The following DLG2 variants were observed in gnomAD, a reference collection of about 807,000 sequenced individuals.
The protein encoded by DLG2 is disks large homolog 2.
Under a neutral mutation model 132.5 loss-of-function variants are expected in DLG2, and 45 were observed. That is an observed-to-expected ratio of 0.34 (90% CI 0.27 to 0.44). DLG2 has a LOEUF of 0.44. DLG2 is among the 20% of genes least tolerant of loss of function. The pLI, the probability that DLG2 is intolerant of heterozygous loss-of-function variation, is 1.00. For missense variants in DLG2, 1,045 were observed against 1,196.9 expected (o/e 0.87, Z 1.87); for synonymous variants, 424 against 419.6 (o/e 1.01, Z -0.13).
chr11:84,244,908 A>G (rs1335525290), intron 8 of DLG2, among the ~76,000 whole-genome samples: 4 of 152,210 alleles, frequency 2.6e-5, no homozygotes, highest in Non-Finnish European at 5.9e-5. Context: ...TGGTCCAATC[A>G]AAAGTGAATC....
intron 6 of DLG2, among the ~76,000 whole-genome samples, chr11:84,627,786 G>A (rs1395311778): frequency 1.3e-5 from 2 of 152,148 alleles, no homozygotes; most frequent in East Asian, 3.9e-4. Flanking sequence ...TGTGAAACAG[G>A]AGCAGGTACT....
intron 3 of DLG2, among the ~76,000 whole-genome samples, chr11:85,526,488 G>T (rs979366793): frequency 6.6e-5 from 10 of 152,066 alleles, no homozygotes; most frequent in African/African-American, 2.2e-4. Flanking sequence ...AATGCTGAAA[G>T]AATTCATTAA....
chr11:84,572,916 T>C (rs1216111610), intron 6 of DLG2, among the ~76,000 whole-genome samples: 4 of 152,136 alleles, frequency 2.6e-5, no homozygotes, highest in Non-Finnish European at 5.9e-5. Context: ...TACACCAACA[T>C]ACTAATGTTC....
intron 7 of DLG2, among the ~76,000 whole-genome samples, chr11:84,311,422 A>G (rs2098285817): frequency 6.6e-6 from 1 of 152,202 alleles, no homozygotes; most frequent in Non-Finnish European, 1.5e-5. Context: ...TATTATCCCA[A>G]GTTTTACAGA....
Position 83,462,066 on chromosome 11 carries a change from T to C in DLG2, c.2757A>G (p.Glu919=). 2 of 1,613,086 alleles carry C rather than the reference T, an allele frequency of 1.2e-6. No homozygotes were observed. Among genetic ancestry groups the C allele is most frequent in the Non-Finnish European group, 1.7e-6 (2 of 1,179,020 alleles). The part of the protein sequence containing the change: ...LMEMNKRLTE[E]QAKKTYDRAI... ...CTCGATCATAGGTTTTCTTGGCTTG[T>C]TCCTCTGTTAGACGCTTATTCATCT... Residue 919 remains glutamate (E), a synonymous_variant, in exon 27 of 28, where the codon GAA becomes GAG. Coordinates refer to ENST00000376104, the MANE Select transcript of DLG2 (RefSeq NM_001142699.3).
rs544817121 is a variant in DLG2, at chr11:84,418,516, T to C, written c.519+116054A>G. Among the ~76,000 whole-genome samples the C allele has an allele frequency of 7.9e-5, 12 of 152,318 alleles. No homozygotes were observed. In the South Asian group the frequency reaches 2.5e-3, roughly 32 times the overall value. On this transcript the variant is annotated intron_variant, in intron 7 of 27. Coordinates refer to ENST00000376104, the MANE Select transcript of DLG2 (RefSeq NM_001142699.3). ...ATGAAATAACTTACTCAAAATTAAA[T>C]AATAAACAAAGTCCTGAGTTTGAAA... is the stretch of plus-strand genomic sequence containing the variant.
intron 15 of DLG2, among the ~76,000 whole-genome samples, chr11:83,928,683 T>C (rs751737923): frequency 1.3e-5 from 2 of 152,152 alleles, no homozygotes; most frequent in Non-Finnish European, 2.9e-5. Flanking sequence ...CACTTACTAA[T>C]GGATGATCTT....
At chr11:84,731,301 G>A (rs1243881703) in intron 6 of DLG2, among the ~76,000 whole-genome samples, 1 of 151,974 alleles carries the variant, frequency 6.6e-6, no homozygotes, top group Admixed American at 6.6e-5. Flanking sequence ...CTAGACACTA[G>A]GCCAAGTTCG....
At chr11:83,838,819 ACTT>A (rs2056881408) in intron 16 of DLG2, among the ~76,000 whole-genome samples, 1 of 151,714 alleles carries the variant, frequency 6.6e-6, no homozygotes, top group South Asian at 2.1e-4. Context: ...CCACATTTGC[ACTT>A]CTTATAAAAT....
chr11:84,984,844 T>C (rs1354502334), intron 6 of DLG2, among the ~76,000 whole-genome samples: 1 of 152,032 alleles, frequency 6.6e-6, no homozygotes, highest in Non-Finnish European at 1.5e-5. Flanking sequence ...TAGTCCTACA[T>C]CAGACAAAAC....
At chr11:84,872,343 C>T (rs571943114) in intron 6 of DLG2, among the ~76,000 whole-genome samples, 10 of 152,182 alleles carry the variant, frequency 6.6e-5, no homozygotes, top group Non-Finnish European at 1.3e-4. Context: ...CAAAGGGATT[C>T]ATTCCCTTAT....
At chr11:83,874,519 A>T in intron 15 of DLG2, 31 bp from the exon 16 acceptor site, 1 of 1,514,644 alleles carries the variant, frequency 6.6e-7, no homozygotes. Context: ...AACACACATC[A>T]TTTATTTATT....
At chr11:85,268,452 C>T (rs2152729877) in intron 4 of DLG2, among the ~76,000 whole-genome samples, 1 of 152,298 alleles carries the variant, frequency 6.6e-6, no homozygotes, top group East Asian at 1.9e-4. Flanking sequence ...TGTCTCATGT[C>T]TCTCTAAAAT....
chr11:83,507,469 CTA>C (rs34462557), intron 21 of DLG2, among the ~76,000 whole-genome samples: 49,639 of 142,032 alleles, frequency 0.35, 8,765 homozygotes, highest in Middle Eastern at 0.47. Context: ...TATATATACC[CTA>C]TATATATATA....
intron 6 of DLG2, among the ~76,000 whole-genome samples, chr11:84,799,513 A>G (rs2075107244): frequency 6.6e-6 from 1 of 152,166 alleles, no homozygotes; most frequent in East Asian, 1.9e-4. Context: ...ATTCTTATGA[A>G]GGTGCATTTT....
chr11:84,974,271 G>A (rs2054553443), intron 6 of DLG2, among the ~76,000 whole-genome samples: 1 of 152,142 alleles, frequency 6.6e-6, no homozygotes, highest in Non-Finnish European at 1.5e-5. Context: ...CTTTTCCAGA[G>A]GTGAAATTGC....
intron 19 of DLG2, among the ~76,000 whole-genome samples, chr11:83,562,525 A>G (rs1344844095): frequency 1.3e-5 from 2 of 152,208 alleles, no homozygotes; most frequent in Non-Finnish European, 2.9e-5. Context: ...TAGAAATACA[A>G]GGCTATAATT....
In DLG2 at chr11:85,358,673, C is replaced by T. The variant is rs555217297; in HGVS notation, c.41-73308G>A. Among the ~76,000 whole-genome samples the T allele has an allele frequency of 5.9e-5, 9 of 152,322 alleles. No homozygotes were observed. In the South Asian group the frequency reaches 1.9e-3, roughly 32 times the overall value. ...CTTCAAGTGTTATCAATAATGTCTT[C>T]TGAACCAGATGTAAACTTCTAGCTG... On this transcript the variant is annotated intron_variant, in intron 3 of 27. Transcript: ENST00000376104.
In DLG2 at chr11:84,581,109, A is replaced by G. The variant is rs990381655; in HGVS notation, c.358-46378T>C. Among the ~76,000 whole-genome samples the G allele has an allele frequency of 9.2e-5, 14 of 152,310 alleles. No homozygotes were observed. In the East Asian group the frequency reaches 2.3e-3, roughly 25 times the overall value. On this transcript the variant is annotated intron_variant, in intron 6 of 27. Coordinates refer to ENST00000376104, the MANE Select transcript of DLG2 (RefSeq NM_001142699.3). ...TCTCCCTTTTTTTATGGTGGAACTC[A>G]TTATTTTATTTCCTTTTACAAATAT...
Sources: gnomAD v4.1 joint callset for allele counts (sites outside exome capture counted in the v4.1 genomes callset) on GRCh38, gnomAD v4.1.1 for gene constraint, MANE v1.5 for transcripts, NCBI Gene and HGNC (gene_info 2026-07-23, HGNC 2026-07-21) for gene names.